FNBP1L: variants seen among roughly 807,000 people sequenced by gnomAD.
FNBP1L encodes formin-binding protein 1-like.
FNBP1L carries 36 observed loss-of-function variants against 91.2 expected under a neutral mutation model. That is an observed-to-expected ratio of 0.39 (90% CI 0.30 to 0.52). FNBP1L has a LOEUF of 0.52. Among genes scored for constraint, FNBP1L ranks in the 20% least tolerant of loss-of-function variants. FNBP1L has a pLI of 0.66. For synonymous variants in FNBP1L, 242 were observed against 237.0 expected (o/e 1.02, Z -0.19); for missense variants, 571 against 732.1 (o/e 0.78, Z 2.54).
At chr1:93,455,559 T>C (rs1215242392) in intron 1 of FNBP1L, among the ~76,000 whole-genome samples, 1 of 152,186 alleles carries the variant, frequency 6.6e-6, no homozygotes, top group African/African-American at 2.4e-5. Flanking sequence ...GACAACTATA[T>C]TTTTACTTCT....
At chr1:93,471,577 C>T (rs181118122) in intron 1 of FNBP1L, among the ~76,000 whole-genome samples, 142 of 152,066 alleles carry the variant, frequency 9.3e-4, no homozygotes, top group African/African-American at 3.4e-3. Context: ...CTGTAGTCCC[C>T]GCTACTCGGG....
At chr1:93,544,358 G>C (rs1027725433) in intron 12 of FNBP1L, 142 bp downstream of exon 12, 4 of 478,334 alleles carry the variant, frequency 8.4e-6, no homozygotes, top group Non-Finnish European at 1.4e-5. Context: ...CTCCTACCCT[G>C]GAAATTTTTA....
intron 1 of FNBP1L, among the ~76,000 whole-genome samples, chr1:93,463,349 T>C (rs187852904): frequency 1.3e-5 from 2 of 152,314 alleles, no homozygotes; most frequent in Admixed American, 1.3e-4. Context: ...TCATTTCTTT[T>C]AGGACCTCTT....
chr1:93,511,509 A>T (rs1226948124), intron 2 of FNBP1L, among the ~76,000 whole-genome samples: 2 of 152,254 alleles, frequency 1.3e-5, no homozygotes, highest in Non-Finnish European at 2.9e-5. Flanking sequence ...TCATGCCAAA[A>T]TGTAAAGAAC....
intron 13 of FNBP1L, 100 bp from the exon 14 acceptor site, chr1:93,547,247 A>T: frequency 1.9e-6 from 2 of 1,050,488 alleles, no homozygotes; most frequent in South Asian, 1.6e-5. Context: ...TCTAAGAATT[A>T]CATAATTATA....
At chr1:93,481,135 A>T (rs543919086) in intron 1 of FNBP1L, among the ~76,000 whole-genome samples, 103 of 152,268 alleles carry the variant, frequency 6.8e-4, no homozygotes, top group African/African-American at 2.4e-3. Context: ...CCCCCTTTTG[A>T]TGTAGAGGTC....
chr1:93,511,914 C>T (rs1428821649), intron 2 of FNBP1L, among the ~76,000 whole-genome samples: 16 of 141,950 alleles, frequency 1.1e-4, no homozygotes, highest in Middle Eastern at 3.7e-3. Flanking sequence ...TGCAGTGAGC[C>T]GAGATCCCGC....
intron 2 of FNBP1L, among the ~76,000 whole-genome samples, chr1:93,507,990 T>A (rs1009321448): frequency 6.6e-6 from 1 of 151,330 alleles, no homozygotes; most frequent in Non-Finnish European, 1.5e-5. Flanking sequence ...CATTATATGA[T>A]CATTATAACA....
chr1:93,518,827 A>G (rs754968395), intron 2 of FNBP1L, among the ~76,000 whole-genome samples: 3 of 152,232 alleles, frequency 2.0e-5, no homozygotes, highest in Non-Finnish European at 4.4e-5. Context: ...TATTTTCATC[A>G]TCCCAAAAAG....
rs200390280 is a variant in FNBP1L at position 93,532,808 on chromosome 1, GT to G, written c.640-113del. 6.2e-4 allele frequency: 438 copies of G among 705,584 alleles called. 2 individuals carry two copies. The African/African-American group carries it at 6.9e-3, about 11-fold the overall frequency. 43.7% of individuals were successfully genotyped at this position (705,584 alleles called of 1,614,324 possible). On this transcript the variant is annotated intron_variant, in intron 7 of 16. Coordinates refer to ENST00000271234, the MANE Select transcript of FNBP1L (RefSeq NM_001164473.3). The stretch of plus-strand genomic sequence containing the variant: ...CACTTGTTAAAAGGTATTAACAACA[GT>G]GTAACTATGAGGGTAGAAATATTTA...
chr1:93,507,854 G>A (rs1459548216), intron 2 of FNBP1L, among the ~76,000 whole-genome samples: 1 of 151,458 alleles, frequency 6.6e-6, no homozygotes, highest in Non-Finnish European at 1.5e-5. Flanking sequence ...TTGCCATGTT[G>A]GCCTGGCTGG....
intron 1 of FNBP1L, among the ~76,000 whole-genome samples, chr1:93,459,977 G>A (rs1018520711): frequency 7.8e-6 from 1 of 128,268 alleles, no homozygotes; most frequent in African/African-American, 2.6e-5. Context: ...GTGTGTGTGT[G>A]TTTTTGGGAT....
intron 1 of FNBP1L, among the ~76,000 whole-genome samples, chr1:93,497,640 GAC>G (rs1377785119): frequency 1.3e-5 from 2 of 151,912 alleles, no homozygotes; most frequent in Non-Finnish European, 2.9e-5. Flanking sequence ...TATTTTTTGA[GAC>G]AGAGTCTCAC....
chr1:93,509,824 C>G (rs765075815), intron 2 of FNBP1L, among the ~76,000 whole-genome samples: 7 of 152,220 alleles, frequency 4.6e-5, no homozygotes, highest in Non-Finnish European at 7.3e-5. Context: ...AGGGAGTTCC[C>G]TTTCCTAGTC....
At chr1:93,512,184 C>A (rs1670880010) in intron 2 of FNBP1L, among the ~76,000 whole-genome samples, 1 of 152,080 alleles carries the variant, frequency 6.6e-6, no homozygotes, top group Non-Finnish European at 1.5e-5. Context: ...AAGGCCATTA[C>A]ATAATGGTAA....
chr1:93,509,068 C>T (rs1035494907), intron 2 of FNBP1L, among the ~76,000 whole-genome samples: 1 of 152,148 alleles, frequency 6.6e-6, no homozygotes, highest in Non-Finnish European at 1.5e-5. Context: ...CAAATAAATA[C>T]TCCTGGACCT....
intron 12 of FNBP1L, among the ~76,000 whole-genome samples, chr1:93,545,016 A>C (rs1222139494): frequency 6.6e-6 from 1 of 152,194 alleles, no homozygotes; most frequent in African/African-American, 2.4e-5. Context: ...TGATTGGCAC[A>C]TAACCTTTTT....
chr1:93,453,494 A>G (rs1055619586), intron 1 of FNBP1L, among the ~76,000 whole-genome samples: 2 of 152,202 alleles, frequency 1.3e-5, no homozygotes, highest in Non-Finnish European at 2.9e-5. Flanking sequence ...AAAAAAACCT[A>G]TTCTACCAAC....
Position 93,536,322 on chromosome 1 carries a change from T to G in FNBP1L, c.991-10T>G. ...TGGCTTATTGATTCCTTTCTTTATT[T>G]CCATATTAGCCACAGTCCCCACCCT... On this transcript the variant is annotated splice_polypyrimidine_tract_variant and intron_variant, in intron 9 of 16. Transcript: ENST00000271234. The G allele has an allele frequency of 6.9e-7, 1 of 1,444,802 alleles. No individual in the cohort carries two copies. The highest frequency in any genetic ancestry group is 1.6e-5 in the South Asian group (1 of 64,400). 89.5% of individuals were successfully genotyped at this position (1,444,802 alleles called of 1,614,324 possible). A position where few individuals can be genotyped will look rare whatever the true frequency, so the allele number is the denominator to read the frequency against.
Sources: allele counts gnomAD v4.1 joint callset (sites outside exome capture counted in the v4.1 genomes callset), GRCh38; gene constraint gnomAD v4.1.1; transcripts MANE v1.5; gene names NCBI Gene and HGNC (gene_info 2026-07-23, HGNC 2026-07-21).